Variants in PPP1R12B observed in about 807,000 individuals in gnomAD.
PPP1R12B encodes the protein myosin phosphatase target subunit 2.
A neutral mutation model predicts 126.1 loss-of-function variants in PPP1R12B; 76 were observed. The ratio of observed to expected loss-of-function variants is 0.60; its 90% CI spans 0.50 to 0.73. The LOEUF is 0.73. Among genes scored for constraint, PPP1R12B ranks in the 30% least tolerant of loss-of-function variants. PPP1R12B has a pLI of 0.00. For missense variants in PPP1R12B, 1,052 were observed against 1,205.1 expected (o/e 0.87, Z 1.88); for synonymous variants, 356 against 434.7 (o/e 0.82, Z 2.25).
chr1:202,409,326 CTT>C (rs34793175), intron 1 of PPP1R12B, among the ~76,000 whole-genome samples: 43 of 144,964 alleles, frequency 3.0e-4, no homozygotes, highest in Admixed American at 4.1e-4. Context: ...CTTGCCAACA[CTT>C]TTTTTTTTTT....
intron 22 of PPP1R12B, among the ~76,000 whole-genome samples, chr1:202,568,825 C>T (rs1688316431): frequency 6.6e-6 from 1 of 152,184 alleles, no homozygotes; most frequent in Non-Finnish European, 1.5e-5. Context: ...TAGTCACTTG[C>T]AGACATTTGA....
chr1:202,427,100 C>G lies in PPP1R12B; in HGVS notation c.762C>G (p.Leu254=), dbSNP rs1376233354. The part of the protein sequence containing the change: ...NVQDYDGWTP[L]HAAAHWGVKE... Reference sequence around the variant, plus strand: ...AGGATTATGATGGCTGGACTCCCCTCCATGCTGCTGCACACTGGGGAGTGA... The same window carrying G: ...AGGATTATGATGGCTGGACTCCCCTGCATGCTGCTGCACACTGGGGAGTGA... Residue 254 remains leucine, a synonymous_variant, in exon 5 of 24, where the codon CTC becomes CTG. Transcript: ENST00000608999. 2.5e-6 allele frequency: 4 copies of G among 1,614,074 alleles called. No homozygotes were observed. The highest frequency in any genetic ancestry group is 2.5e-6 in the Non-Finnish European group (3 of 1,180,044).
chr1:202,367,852 A>G (rs775973098), intron 1 of PPP1R12B, among the ~76,000 whole-genome samples: 6 of 152,112 alleles, frequency 3.9e-5, no homozygotes, highest in Non-Finnish European at 5.9e-5. Context: ...TTGAGATGTA[A>G]TCTGCAATGT....
intron 13 of PPP1R12B, among the ~76,000 whole-genome samples, chr1:202,472,923 G>A (rs1269276351): frequency 6.6e-6 from 1 of 152,168 alleles, no homozygotes; most frequent in African/African-American, 2.4e-5. Context: ...GACTGCTTTG[G>A]TCTCACAACA....
chr1:202,427,226 G>A lies in PPP1R12B; in HGVS notation c.846+42G>A, dbSNP rs766758704. 33 of 1,608,618 alleles carry A rather than the reference G, an allele frequency of 2.1e-5. No individual in the cohort carries two copies. The East Asian group carries it at 7.1e-4, about 35-fold the overall frequency. On this transcript the variant is annotated intron_variant, in intron 5 of 23. Coordinates refer to ENST00000608999, the MANE Select transcript of PPP1R12B (RefSeq NM_002481.4). ...CTCTAAAAGAACAACGAGATTGGTGGCTGGGTCTCTAGAATAAAAGGCTTA... is the reference window on the plus strand; with the variant it reads ...CTCTAAAAGAACAACGAGATTGGTGACTGGGTCTCTAGAATAAAAGGCTTA...
At chr1:202,519,739 A>G (rs1005508740) in intron 18 of PPP1R12B, among the ~76,000 whole-genome samples, 2 of 152,142 alleles carry the variant, frequency 1.3e-5, no homozygotes, top group African/African-American at 4.8e-5. Context: ...ACTTTGCTGC[A>G]TGCTCCTTAG....
chr1:202,367,201 G>A (rs939878664), intron 1 of PPP1R12B, among the ~76,000 whole-genome samples: 19 of 152,078 alleles, frequency 1.2e-4, no homozygotes, highest in African/African-American at 4.1e-4. Context: ...TAGCTCTAAC[G>A]TATTGATAGT....
Position 202,530,134 on chromosome 1 carries a change from A to G in PPP1R12B, c.2491-28743A>G, listed in dbSNP as rs370780291. On this transcript the variant is annotated intron_variant, in intron 18 of 23. Transcript: ENST00000608999. The stretch of plus-strand genomic sequence containing the variant: ...CCTGTTAGTGCTTCTGATCAGTTCA[A>G]GCATTTTTTTTTTTCTCATCAAGGT... Among the ~76,000 whole-genome samples, 291 of 152,234 alleles carry G rather than the reference A, an allele frequency of 1.9e-3. 2 individuals carry two copies. The highest frequency in any genetic ancestry group is 6.7e-3 in the African/African-American group (278 of 41,546).
At chr1:202,486,128 C>T (rs1461249271) in intron 13 of PPP1R12B, among the ~76,000 whole-genome samples, 4 of 152,156 alleles carry the variant, frequency 2.6e-5, no homozygotes, top group East Asian at 3.8e-4. Context: ...GCCAGCTACC[C>T]GCCTGGGCCT....
rs756611350 is a variant in PPP1R12B, at chr1:202,348,991, C to G, written c.140C>G (p.Thr47Ser). 5 of 1,606,286 alleles carry G rather than the reference C, an allele frequency of 3.1e-6. No individual in the cohort carries two copies. The highest frequency in any genetic ancestry group is 1.7e-5 in the Admixed American group (1 of 58,120). ...CGAGGCGCGGGGCGGCAGCCGCTGACCAGGCGCGGGAGCCCCAGGGTCCGC... is the reference window on the plus strand; with the variant it reads ...CGAGGCGCGGGGCGGCAGCCGCTGAGCAGGCGCGGGAGCCCCAGGGTCCGC... The part of the protein sequence containing the change: ...ERRGAGRQPL[T>S]RRGSPRVRFE... The change falls in exon 1 of 24, where the codon ACC (threonine) becomes AGC (serine). Residue 47 changes from threonine (T) to serine (S), a missense_variant. Physicochemically the swap from Thr to Ser is moderately conservative, Grantham distance 58. Transcript: ENST00000608999.
At chr1:202,564,332 C>T in intron 20 of PPP1R12B, 111 bp from the exon 21 acceptor site, 1 of 683,006 alleles carries the variant, frequency 1.5e-6, no homozygotes, top group South Asian at 1.8e-5. Context: ...TTCATTTTCT[C>T]TCTCTACCAT....
intron 12 of PPP1R12B, among the ~76,000 whole-genome samples, chr1:202,444,293 G>T (rs112910505): frequency 6.2e-4 from 94 of 152,134 alleles, no homozygotes; most frequent in African/African-American, 2.1e-3. Context: ...TTGGTTATCT[G>T]CTCAAGTGTC....
At chr1:202,486,999 T>C (rs1678224501) in intron 13 of PPP1R12B, among the ~76,000 whole-genome samples, 1 of 152,188 alleles carries the variant, frequency 6.6e-6, no homozygotes, top group African/African-American at 2.4e-5. Flanking sequence ...AAGGGAAAAT[T>C]ATAAGCCAAT....
intron 1 of PPP1R12B, among the ~76,000 whole-genome samples, chr1:202,387,264 C>T (rs1030513035): frequency 6.6e-6 from 1 of 152,192 alleles, no homozygotes; most frequent in Non-Finnish European, 1.5e-5. Flanking sequence ...ATTAACAAGA[C>T]TAACTGCTCC....
intron 14 of PPP1R12B, among the ~76,000 whole-genome samples, chr1:202,490,558 G>A (rs955536188): frequency 6.6e-6 from 1 of 152,050 alleles, no homozygotes; most frequent in African/African-American, 2.4e-5. Flanking sequence ...TTACATTGTT[G>A]TATAACTATC....
Position 202,427,115 on chromosome 1 carries a change from C to A in PPP1R12B, c.777C>A (p.His259Gln). Reference sequence around the variant, plus strand: ...GGACTCCCCTCCATGCTGCTGCACACTGGGGAGTGAAGGAGGCTTGCTCCA... The same window carrying A: ...GGACTCCCCTCCATGCTGCTGCACAATGGGGAGTGAAGGAGGCTTGCTCCA... ...DGWTPLHAAA[H>Q]WGVKEACSIL... Residue 259 changes from histidine to glutamine, a missense_variant, in exon 5 of 24, where the codon CAC becomes CAA. Coordinates refer to ENST00000608999, the MANE Select transcript of PPP1R12B (RefSeq NM_002481.4). 1.2e-6 allele frequency: 2 copies of A among 1,614,174 alleles called. No individual in the cohort carries two copies. The highest frequency in any genetic ancestry group is 1.7e-6 in the Non-Finnish European group (2 of 1,180,024).
At chr1:202,524,031 A>G (rs1483621709) in intron 18 of PPP1R12B, among the ~76,000 whole-genome samples, 2 of 152,146 alleles carry the variant, frequency 1.3e-5, no homozygotes, top group African/African-American at 4.8e-5. Flanking sequence ...TTAAGTTTTA[A>G]AAGAATCATT....
intron 1 of PPP1R12B, among the ~76,000 whole-genome samples, chr1:202,369,122 G>T (rs1217129055): frequency 6.6e-6 from 1 of 152,182 alleles, no homozygotes; most frequent in East Asian, 1.9e-4. Context: ...GCCTTTAAGA[G>T]GCACGTGAAC....
Position 202,496,808 on chromosome 1 carries a change from G to A in PPP1R12B, c.2476G>A (p.Val826Ile). The change falls in exon 18 of 24, where the codon GTC (valine) becomes ATC (isoleucine). Residue 826 changes from valine to isoleucine, a missense_variant. Val to Ile is a conservative substitution (Grantham distance 29, BLOSUM62 3). Coordinates refer to ENST00000608999, the MANE Select transcript of PPP1R12B (RefSeq NM_002481.4). ...GGATGAAACTGATGGCTCTGAAGAG[G>A]TCAAAGAAACGTGGGTAAGTGACAA... ...DEDETDGSEE[V>I]KETWHERLSR... The A allele has an allele frequency of 6.2e-7, 1 of 1,612,464 alleles. No individual in the cohort carries two copies. The highest frequency in any genetic ancestry group is 8.5e-7 in the Non-Finnish European group (1 of 1,178,678).
Sources: gnomAD v4.1 joint callset for allele counts (sites outside exome capture counted in the v4.1 genomes callset) on GRCh38, gnomAD v4.1.1 for gene constraint, MANE v1.5 for transcripts, NCBI Gene and HGNC (gene_info 2026-07-23, HGNC 2026-07-21) for gene names.